The following PAIP1 variants were observed in gnomAD, a reference collection of about 807,000 sequenced individuals.
PAIP1 encodes the protein polyadenylate-binding protein-interacting protein 1.
Under a neutral mutation model 61.3 loss-of-function variants are expected in PAIP1, and 16 were observed. The ratio of observed to expected loss-of-function variants is 0.26; its 90% CI spans 0.18 to 0.40. PAIP1 has a LOEUF of 0.40. Ranked by LOEUF, PAIP1 falls within the 10% of genes least tolerant of loss-of-function variation. The pLI is 1.00. For missense variants in PAIP1, 416 were observed against 600.9 expected (o/e 0.69, Z 3.22); for synonymous variants, 187 against 226.2 (o/e 0.83, Z 1.56).
chr5:43,533,906 G>A (rs1032608553), intron 8 of PAIP1, 114 bp from the exon 9 acceptor site: 6 of 690,504 alleles, frequency 8.7e-6, no homozygotes, highest in Non-Finnish European at 1.6e-5. Context: ...GCAAGAACAA[G>A]CAAAGGAACC....
chr5:43,552,175 A>C (rs1469022884), intron 2 of PAIP1, among the ~76,000 whole-genome samples: 3 of 152,220 alleles, frequency 2.0e-5, no homozygotes, highest in African/African-American at 7.2e-5. Context: ...GACACTACAG[A>C]GAGTGAATAT....
intron 7 of PAIP1, 124 bp downstream of exon 7, chr5:43,535,410 G>A: frequency 1.5e-6 from 1 of 653,230 alleles, no homozygotes; most frequent in South Asian, 1.8e-5. Flanking sequence ...TTAAAGAAAA[G>A]CATTTTTGTA....
At chr5:43,533,938 C>G in intron 8 of PAIP1, 146 bp from the exon 9 acceptor site, 1 of 638,168 alleles carries the variant, frequency 1.6e-6, no homozygotes, top group South Asian at 1.9e-5. Context: ...TAGCCATTTT[C>G]ACTTCACTGA....
chr5:43,539,432 C>T (rs1300764880), intron 4 of PAIP1, among the ~76,000 whole-genome samples: 1 of 146,632 alleles, frequency 6.8e-6, no homozygotes, highest in African/African-American at 2.5e-5. Flanking sequence ...AATACTACAA[C>T]TTTGAAAAGG....
Position 43,533,772 on chromosome 5 carries a change from T to C in PAIP1, c.1218A>G (p.Thr406=). The C allele has an allele frequency of 6.3e-7, 1 of 1,583,188 alleles. No homozygotes were observed. Among genetic ancestry groups the C allele is most frequent in the Non-Finnish European group, 8.7e-7 (1 of 1,151,766 alleles). Residue 406 remains threonine (T), a synonymous_variant, in exon 9 of 11, where the codon ACA becomes ACG. Transcript: ENST00000306846. The part of the protein sequence containing the change: ...NYFMNEPTFY[T]SDGVPFTAAD... Reference sequence around the variant, plus strand: ...CTGCAGTGAAAGGAACACCATCAGATGTATAAAATGTTGGTTCATTCTAGG... The same window carrying C: ...CTGCAGTGAAAGGAACACCATCAGACGTATAAAATGTTGGTTCATTCTAGG...
chr5:43,539,298 G>A (rs1394991924), intron 4 of PAIP1, among the ~76,000 whole-genome samples: 1 of 152,010 alleles, frequency 6.6e-6, no homozygotes, highest in African/African-American at 2.4e-5. Flanking sequence ...AAGCAACATA[G>A]GTGTAATCTG....
At chr5:43,535,236 C>A (rs1247476675) in intron 7 of PAIP1, among the ~76,000 whole-genome samples, 3 of 152,100 alleles carry the variant, frequency 2.0e-5, no homozygotes, top group Non-Finnish European at 4.4e-5. Context: ...TACAGTAGTA[C>A]TTTTATTTGT....
At chr5:43,535,502 G>A (rs753502600) in intron 7 of PAIP1, 32 bp downstream of exon 7, 4 of 1,148,486 alleles carry the variant, frequency 3.5e-6, no homozygotes, top group African/African-American at 3.0e-5. Flanking sequence ...AAATTGAGAT[G>A]CACTGGCTAT....
At chr5:43,530,415 A>G (rs905916137) in intron 9 of PAIP1, among the ~76,000 whole-genome samples, 2 of 152,204 alleles carry the variant, frequency 1.3e-5, no homozygotes, top group African/African-American at 4.8e-5. Context: ...CCTATCTGCC[A>G]ATTGTCTTAG....
intron 9 of PAIP1, 43 bp from the exon 10 acceptor site, chr5:43,529,922 T>C (rs769361976): frequency 2.0e-5 from 18 of 889,366 alleles, no homozygotes; most frequent in East Asian, 1.4e-4. Flanking sequence ...TGAAAAAATA[T>C]CACATGAAAT....
intron 2 of PAIP1, among the ~76,000 whole-genome samples, chr5:43,550,387 A>C (rs1747813976): frequency 8.9e-6 from 1 of 112,454 alleles, no homozygotes; most frequent in Non-Finnish European, 1.9e-5. Context: ...TTCTAGGAGA[A>C]TACTGAGTCA....
chr5:43,536,804 A>G lies in PAIP1; in HGVS notation c.972+15T>C, dbSNP rs773542406. On this transcript the variant is annotated intron_variant, in intron 6 of 10. Transcript: ENST00000306846. ...GTAAATACGTAAATTAGTTAAATTA[A>G]AAAAAAAAACCTACCTTTAACAATT... The G allele has an allele frequency of 2.1e-5, 28 of 1,360,072 alleles. No homozygotes were observed. In the African/African-American group the frequency reaches 3.9e-4, roughly 19 times the overall value. The allele number at this position is 1,360,072 out of a possible 1,614,324, so 84.3% of individuals were successfully genotyped here. A position where few individuals can be genotyped will look rare whatever the true frequency, so the allele number is the denominator to read the frequency against.
At chr5:43,547,698 A>T in intron 3 of PAIP1, 30 bp downstream of exon 3, 5 of 1,478,496 alleles carry the variant, frequency 3.4e-6, no homozygotes, top group Non-Finnish European at 4.6e-6. Context: ...AAGCTATCTG[A>T]AGGTCACTGC....
intron 2 of PAIP1, among the ~76,000 whole-genome samples, chr5:43,548,997 G>C (rs1461041815): frequency 1.3e-5 from 2 of 152,144 alleles, no homozygotes; most frequent in Non-Finnish European, 1.5e-5. Context: ...CTGGAGTGCA[G>C]TGGTGCAATC....
intron 3 of PAIP1, among the ~76,000 whole-genome samples, chr5:43,546,346 C>T (rs1019882172): frequency 3.3e-5 from 5 of 152,220 alleles, no homozygotes; most frequent in African/African-American, 1.2e-4. Flanking sequence ...AGAAAGGCAA[C>T]AAGAAATAAA....
In PAIP1 at chr5:43,556,718, G is replaced by A. The variant is rs571448156; in HGVS notation, c.129C>T (p.His43=). The A allele has an allele frequency of 6.7e-6, 9 of 1,341,804 alleles. No individual in the cohort carries two copies. Among genetic ancestry groups the A allele is most frequent in the South Asian group, 5.8e-5 (3 of 51,854 alleles). 83.1% of individuals were successfully genotyped at this position (1,341,804 alleles called of 1,614,324 possible). The change falls in exon 1 of 11, where the codon CAC becomes CAT. Residue 43 remains histidine (H), a synonymous_variant. Transcript: ENST00000306846. Reference sequence around the variant, plus strand: ...CCGGGGCTTTGGGTTGCGGCGGCTGGTGCCGCGCCCGCTCAGCAGGCCCCG... The same window carrying A: ...CCGGGGCTTTGGGTTGCGGCGGCTGATGCCGCGCCCGCTCAGCAGGCCCCG... ...NGAGPAERAR[H]QPPQPKAPGF...
chr5:43,547,909 G>T lies in PAIP1; in HGVS notation c.440C>A (p.Ser147Tyr). 1.3e-6 allele frequency: 2 copies of T among 1,595,268 alleles called. No homozygotes were observed. Among genetic ancestry groups the T allele is most frequent in the South Asian group, 1.1e-5 (1 of 88,682 alleles). Residue 147 changes from serine to tyrosine, a missense_variant, in exon 3 of 11, where the codon TCC becomes TAC. Coordinates refer to ENST00000306846, the MANE Select transcript of PAIP1 (RefSeq NM_006451.5). Reference sequence around the variant, plus strand: ...ATAATCCTCACAACCATCCTCATAGGATTCCTACGGATCAAAAATGAAAAA... The same window carrying T: ...ATAATCCTCACAACCATCCTCATAGTATTCCTACGGATCAAAAATGAAAAA... ...PSGYSSSYTE[S>Y]YEDGCEDYPT...
intron 2 of PAIP1, among the ~76,000 whole-genome samples, chr5:43,554,633 A>T (rs1273042027): frequency 1.3e-5 from 2 of 152,200 alleles, no homozygotes; most frequent in Non-Finnish European, 2.9e-5. Context: ...AGGGAAATAT[A>T]AATTAAAACC....
chr5:43,556,148 C>G, intron 1 of PAIP1, 149 bp from the exon 2 acceptor site: 1 of 1,418,256 alleles, frequency 7.1e-7, no homozygotes. Flanking sequence ...GGAATGTGTA[C>G]AGACAGCCTA....
Sources: gnomAD v4.1 joint callset for allele counts (sites outside exome capture counted in the v4.1 genomes callset) on GRCh38, gnomAD v4.1.1 for gene constraint, MANE v1.5 for transcripts, NCBI Gene and HGNC (gene_info 2026-07-23, HGNC 2026-07-21) for gene names.